Variants in LRRIQ3 observed in about 807,000 individuals in gnomAD.
LRRIQ3 encodes the protein leucine-rich repeat and IQ domain-containing protein 3.
Under a neutral mutation model 59.3 loss-of-function variants are expected in LRRIQ3, and 75 were observed. That is an observed-to-expected ratio of 1.26 (90% CI 1.05 to 1.53). LRRIQ3 has a LOEUF of 1.53. LRRIQ3 is among the 40% of genes most tolerant of loss of function. LRRIQ3 has a pLI of 0.00. For missense variants in LRRIQ3, 831 were observed against 710.0 expected (o/e 1.17, Z -1.94); for synonymous variants, 250 against 231.3 (o/e 1.08, Z -0.73).
chr1:74,180,704 C>A (rs373974647), intron 3 of LRRIQ3: 1 of 1,548,274 alleles, frequency 6.5e-7, no homozygotes, highest in Non-Finnish European at 8.7e-7. Flanking sequence ...TTGTTGAAAT[C>A]CCACCTCATG....
At chr1:74,027,276 AC>A (rs1653544814) in intron 7 of LRRIQ3, among the ~76,000 whole-genome samples, 1 of 152,078 alleles carries the variant, frequency 6.6e-6, no homozygotes, top group Non-Finnish European at 1.5e-5. Flanking sequence ...AACCCAAGCT[AC>A]TTCTTCGACT....
intron 6 of LRRIQ3, among the ~76,000 whole-genome samples, chr1:74,058,945 T>C (rs1443170864): frequency 6.6e-6 from 1 of 152,052 alleles, no homozygotes; most frequent in Admixed American, 6.6e-5. Flanking sequence ...AGTTTCCAAT[T>C]TCTCCTTATC....
chr1:74,054,739 A>AATATATATAT (rs143015235), intron 6 of LRRIQ3, among the ~76,000 whole-genome samples: 2,407 of 141,560 alleles, frequency 0.017, 27 homozygotes, highest in South Asian at 0.039. Flanking sequence ...AGAAAACACA[A>AATATATATAT]ATATATATAT....
Position 74,071,020 on chromosome 1 carries a change from C to CATATAT in LRRIQ3, c.997+3635_997+3640dup, listed in dbSNP as rs34448621. Among the ~76,000 whole-genome samples, 659 of 147,906 alleles carry CATATAT rather than the reference C, an allele frequency of 4.5e-3. 5 individuals carry two copies. The highest frequency in any genetic ancestry group is 0.016 in the African/African-American group (627 of 40,188). On this transcript the variant is annotated intron_variant, in intron 6 of 7. Transcript: ENST00000354431. ...TGATTCCTTGTCTTTGCTATATATA[C>CATATAT]ATATATATATATACACACACACACA...
chr1:74,056,733 A>G (rs572762658), intron 6 of LRRIQ3, among the ~76,000 whole-genome samples: 1 of 152,300 alleles, frequency 6.6e-6, no homozygotes, highest in South Asian at 2.1e-4. Flanking sequence ...ATAAATGGAA[A>G]ACTATCCTGT....
intron 4 of LRRIQ3, chr1:74,144,436 T>C (rs760306176): frequency 6.0e-6 from 2 of 335,982 alleles, no homozygotes; most frequent in Non-Finnish European, 6.0e-6. Flanking sequence ...TCAAGGAAAC[T>C]AGATTAATAT....
At chr1:74,140,216 T>C (rs1330421028) in intron 4 of LRRIQ3, among the ~76,000 whole-genome samples, 1 of 151,756 alleles carries the variant, frequency 6.6e-6, no homozygotes, top group Non-Finnish European at 1.5e-5. Flanking sequence ...AGAAATATTA[T>C]AACCAAATGG....
intron 4 of LRRIQ3, among the ~76,000 whole-genome samples, chr1:74,149,860 C>T (rs1647813382): frequency 6.6e-6 from 1 of 152,162 alleles, no homozygotes; most frequent in Non-Finnish European, 1.5e-5. Context: ...AAAACTGCCA[C>T]TCAATTCCAA....
intron 7 of LRRIQ3, among the ~76,000 whole-genome samples, chr1:74,034,908 A>G (rs1243927565): frequency 6.6e-6 from 1 of 152,056 alleles, no homozygotes; most frequent in East Asian, 1.9e-4. Context: ...TTTCTATACA[A>G]GCCTTAAATA....
At chr1:74,172,595 GC>G (rs1160460176) in intron 3 of LRRIQ3, among the ~76,000 whole-genome samples, 1 of 151,970 alleles carries the variant, frequency 6.6e-6, no homozygotes, top group Non-Finnish European at 1.5e-5. Flanking sequence ...GGTATATTTG[GC>G]CCCCAGTGTT....
intron 5 of LRRIQ3, chr1:74,084,141 C>A: frequency 6.5e-7 from 1 of 1,540,546 alleles, no homozygotes. Flanking sequence ...TGCATAATTC[C>A]TTTTGGCACT....
intron 5 of LRRIQ3, among the ~76,000 whole-genome samples, chr1:74,107,560 A>G (rs1646632151): frequency 6.7e-6 from 1 of 150,004 alleles, no homozygotes; most frequent in South Asian, 2.1e-4. Context: ...TACATAATGA[A>G]TAAAAGAATA....
chr1:74,136,568 G>T (rs1174376584), intron 4 of LRRIQ3, among the ~76,000 whole-genome samples: 1 of 151,888 alleles, frequency 6.6e-6, no homozygotes, highest in African/African-American at 2.4e-5. Context: ...ATTAGAAATA[G>T]CAAAAAATCA....
In LRRIQ3 at chr1:74,099,507, A is replaced by C. The variant is rs1469276896; in HGVS notation, c.867+9887T>G. On this transcript the variant is annotated intron_variant, in intron 5 of 7. Coordinates refer to ENST00000354431, the MANE Select transcript of LRRIQ3 (RefSeq NM_001105659.2). ...AAGGAGCTGGTACCATTCCTTCTGA[A>C]ACTATTCCAATCAATAGAAGAAGAG... Among the ~76,000 whole-genome samples, 3 of 152,178 alleles carry C rather than the reference A, an allele frequency of 2.0e-5. No homozygotes were observed. In the East Asian group the frequency reaches 5.8e-4, roughly 29 times the overall value.
intron 3 of LRRIQ3, among the ~76,000 whole-genome samples, chr1:74,171,447 T>G (rs187279778): frequency 6.6e-6 from 1 of 152,216 alleles, no homozygotes; most frequent in South Asian, 2.1e-4. Context: ...GTGCATCACA[T>G]TGATTGATTT....
chr1:74,071,869 G>T (rs1655038603), intron 6 of LRRIQ3, among the ~76,000 whole-genome samples: 1 of 151,952 alleles, frequency 6.6e-6, no homozygotes, highest in African/African-American at 2.4e-5. Flanking sequence ...TTTCATTAGT[G>T]TATTTATCTA....
chr1:74,195,651 T>A (rs534014690), intron 1 of LRRIQ3, among the ~76,000 whole-genome samples: 1 of 152,336 alleles, frequency 6.6e-6, no homozygotes, highest in Admixed American at 6.5e-5. Context: ...CAGAATATAA[T>A]TTTTCAATTT....
chr1:74,042,076 T>A, intron 6 of LRRIQ3, 143 bp from the exon 7 acceptor site: 1 of 756,056 alleles, frequency 1.3e-6, no homozygotes, highest in Non-Finnish European at 1.9e-6. Flanking sequence ...TTTCAACTTG[T>A]GATTTAATAG....
At chr1:74,084,518 G>T (rs568494135) in intron 5 of LRRIQ3, among the ~76,000 whole-genome samples, 1 of 151,540 alleles carries the variant, frequency 6.6e-6, no homozygotes, top group Non-Finnish European at 1.5e-5. Context: ...CTTGTGAAAC[G>T]AGTGTATGCA....
Sources: gnomAD v4.1 joint callset for allele counts (sites outside exome capture counted in the v4.1 genomes callset) on GRCh38, gnomAD v4.1.1 for gene constraint, MANE v1.5 for transcripts, NCBI Gene and HGNC (gene_info 2026-07-23, HGNC 2026-07-21) for gene names.